Variants in XKR3 observed in about 807,000 individuals in gnomAD.
XKR3 encodes the protein XK related 3.
In XKR3, 27 loss-of-function variants were observed where a neutral mutation model predicts 40.3. The ratio of observed to expected loss-of-function variants is 0.67; its 90% CI spans 0.49 to 0.92. The LOEUF (loss-of-function observed/expected upper bound fraction) is 0.92, where lower values mean the gene tolerates loss of function less well. Ranked by LOEUF, XKR3 falls within the 40% of genes least tolerant of loss-of-function variation. XKR3 has a pLI of 0.00. For synonymous variants in XKR3, 193 were observed against 195.4 expected (o/e 0.99, Z 0.10); for missense variants, 472 against 537.6 (o/e 0.88, Z 1.21).
intron 1 of XKR3, among the ~76,000 whole-genome samples, chr22:16,813,769 C>T (rs538860173): frequency 3.9e-5 from 6 of 152,278 alleles, no homozygotes; most frequent in Non-Finnish European, 8.8e-5. Context: ...AAGAAGCAAC[C>T]TCACTTTATG....
At chr22:16,796,996 GGGAACCCA>G (rs2060143895) in intron 3 of XKR3, among the ~76,000 whole-genome samples, 7 of 152,182 alleles carry the variant, frequency 4.6e-5, no homozygotes, top group African/African-American at 1.7e-4. Context: ...AAACAGGTCA[GGGAACCCA>G]GGTATAAAGC....
chr22:16,798,519 A>T (rs2060152366), intron 3 of XKR3, among the ~76,000 whole-genome samples: 1 of 152,222 alleles, frequency 6.6e-6, no homozygotes, highest in Non-Finnish European at 1.5e-5. Flanking sequence ...AGACACATAC[A>T]GTCATATGTT....
chr22:16,784,321 A>C lies in XKR3; in HGVS notation c.678T>G (p.Thr226=), dbSNP rs753977797. The C allele has an allele frequency of 5.6e-6, 9 of 1,614,114 alleles. No individual in the cohort carries two copies. The Admixed American group carries it at 1.3e-4, about 24-fold the overall frequency. ...ATTCTATCGGCGGTAGCTTAATGGT[A>C]GTATCATCATTGCTGATCTGGATGG... ...ILAIQISNDD[T]TIKLPPIEFF... The change falls in exon 4 of 4, where the codon ACT becomes ACG. Residue 226 remains threonine, a synonymous_variant. Transcript: ENST00000684488.
chr22:16,823,100 C>T (rs2060263115), intron 1 of XKR3, among the ~76,000 whole-genome samples: 1 of 152,146 alleles, frequency 6.6e-6, no homozygotes, highest in African/African-American at 2.4e-5. Flanking sequence ...TGGTCTCAAA[C>T]TCATGAGCTA....
chr22:16,816,026 T>G (rs1353511215), intron 1 of XKR3, among the ~76,000 whole-genome samples: 1 of 151,972 alleles, frequency 6.6e-6, no homozygotes, highest in Admixed American at 6.6e-5. Context: ...TTTAAATAAA[T>G]ATTTGTTAAT....
chr22:16,784,186 T>C lies in XKR3; in HGVS notation c.813A>G (p.Ile271Met). ...ACGGTGCCAACAATGATACAAAATA[T>C]ATGATTAACAAAACGGGTAGGCTCT... ...KLKSLPVLLI[I>M]YFVSLLAPWL... is the part of the protein sequence containing the mutation. Residue 271 changes from isoleucine to methionine, a missense_variant, in exon 4 of 4, where the codon ATA (isoleucine) becomes ATG (methionine). Physicochemically the swap from Ile to Met is conservative, Grantham distance 10 (BLOSUM62 1). Coordinates refer to ENST00000684488, the MANE Select transcript of XKR3 (RefSeq NM_001386955.1). 6.2e-7 allele frequency: 1 copy of C among 1,614,222 alleles called. No homozygotes were observed. Among genetic ancestry groups the C allele is most frequent in the Non-Finnish European group, 8.5e-7 (1 of 1,180,050 alleles).
At chr22:16,820,599 G>A (rs1366098794) in intron 1 of XKR3, among the ~76,000 whole-genome samples, 1 of 150,948 alleles carries the variant, frequency 6.6e-6, no homozygotes, top group African/African-American at 2.4e-5. Flanking sequence ...GTGAAGGCAT[G>A]AAGGCCTGAC....
At chr22:16,786,526 G>T (rs1345105169) in intron 3 of XKR3, among the ~76,000 whole-genome samples, 1 of 152,116 alleles carries the variant, frequency 6.6e-6, no homozygotes, top group African/African-American at 2.4e-5. Flanking sequence ...CATTCCTACT[G>T]GTTGACTGAA....
At chr22:16,824,990 A>T (rs1243237616) in intron 1 of XKR3, among the ~76,000 whole-genome samples, 1 of 152,220 alleles carries the variant, frequency 6.6e-6, no homozygotes, top group Non-Finnish European at 1.5e-5. Flanking sequence ...AACAAAAAAT[A>T]TGGTAGATTT....
chr22:16,787,477 G>A (rs1417012377), intron 3 of XKR3, among the ~76,000 whole-genome samples: 3 of 151,292 alleles, frequency 2.0e-5, no homozygotes, highest in South Asian at 2.1e-4. Flanking sequence ...GGATAATCAC[G>A]GAACCCAGGA....
intron 3 of XKR3, among the ~76,000 whole-genome samples, chr22:16,791,274 C>G (rs1167410371): frequency 1.3e-5 from 2 of 148,822 alleles, no homozygotes; most frequent in Non-Finnish European, 3.0e-5. Flanking sequence ...GAAGACATTA[C>G]GTTGAGTGAA....
chr22:16,796,581 C>A (rs2060141878), intron 3 of XKR3, among the ~76,000 whole-genome samples: 1 of 152,094 alleles, frequency 6.6e-6, no homozygotes, highest in African/African-American at 2.4e-5. Flanking sequence ...GTGATCACCA[C>A]ATAAACAGAA....
chr22:16,788,075 T>C (rs2060098354), intron 3 of XKR3, among the ~76,000 whole-genome samples: 1 of 152,170 alleles, frequency 6.6e-6, no homozygotes, highest in African/African-American at 2.4e-5. Flanking sequence ...GGATATATCA[T>C]ACATTAGGCC....
At chr22:16,811,144 A>T (rs1445773436) in intron 1 of XKR3, among the ~76,000 whole-genome samples, 2 of 146,294 alleles carry the variant, frequency 1.4e-5, no homozygotes, top group Non-Finnish European at 1.5e-5. Context: ...TTTAATAGGA[A>T]GTAACAAAGT....
chr22:16,821,841 T>C (rs2060257580), intron 1 of XKR3: 1 of 152,164 alleles, frequency 6.6e-6, no homozygotes, highest in Non-Finnish European at 1.5e-5. Context: ...GATTATTTTA[T>C]GTGAATTTCA....
chr22:16,816,089 C>T (rs1454345271), intron 1 of XKR3, among the ~76,000 whole-genome samples: 1 of 151,770 alleles, frequency 6.6e-6, no homozygotes, highest in Non-Finnish European at 1.5e-5. Context: ...CAAGTAAAAG[C>T]ATATTTTCTC....
At chr22:16,811,082 A>T (rs2060210372) in intron 1 of XKR3, among the ~76,000 whole-genome samples, 1 of 150,744 alleles carries the variant, frequency 6.6e-6, no homozygotes, top group Non-Finnish European at 1.5e-5. Context: ...ATATATTTTC[A>T]GTTCACTTTG....
At chr22:16,798,228 AG>A (rs2060151279) in intron 3 of XKR3, among the ~76,000 whole-genome samples, 1 of 152,076 alleles carries the variant, frequency 6.6e-6, no homozygotes, top group East Asian at 1.9e-4. Flanking sequence ...TTTCAGCATC[AG>A]TAATCATCAG....
At position 16,784,384 on chromosome 22, in the gene XKR3, T is replaced by A; in HGVS notation, c.615A>T (p.Leu205Phe). 6.2e-7 allele frequency: 1 copy of A among 1,601,694 alleles called. No homozygotes were observed. ...NRALLMTFSL[L>F]SVTYGAIRCN... is the part of the protein sequence containing the mutation. ...AGCGAATGGCCCCATAAGTAACTGATAACAGGGAAAATGTCATCAGCAATG... is the reference window on the plus strand; with the variant it reads ...AGCGAATGGCCCCATAAGTAACTGAAAACAGGGAAAATGTCATCAGCAATG... The change falls in exon 4 of 4, where the codon TTA becomes TTT. Residue 205 changes from leucine (L) to phenylalanine (F), a missense_variant. Coordinates refer to ENST00000684488, the MANE Select transcript of XKR3 (RefSeq NM_001386955.1).
Sources: allele counts gnomAD v4.1 joint callset (sites outside exome capture counted in the v4.1 genomes callset), GRCh38; gene constraint gnomAD v4.1.1; transcripts MANE v1.5; gene names NCBI Gene and HGNC (gene_info 2026-07-23, HGNC 2026-07-21).